The following LRRC4C variants were observed in gnomAD, a reference collection of about 807,000 sequenced individuals.
LRRC4C encodes leucine-rich repeat-containing protein 4C.
LRRC4C carries 5 observed loss-of-function variants against 33.6 expected under a neutral mutation model. The observed-to-expected ratio is 0.15, with a 90% CI of 0.08 to 0.31. LRRC4C has a LOEUF of 0.31. LRRC4C is among the 10% of genes least tolerant of loss of function. The pLI is 1.00. For synonymous variants in LRRC4C, 329 were observed against 302.0 expected, an observed-to-expected ratio of 1.09 and a Z score of -0.93; for missense variants, 560 against 796.7, an observed-to-expected ratio of 0.70 and a Z score of 3.58.
intron 2 of LRRC4C, among the ~76,000 whole-genome samples, chr11:40,732,924 A>G (rs1003969484): frequency 2.0e-5 from 3 of 152,042 alleles, no homozygotes; most frequent in Non-Finnish European, 4.4e-5. Context: ...TCTTTACTAT[A>G]TGCTAAATAC....
intron 4 of LRRC4C, among the ~76,000 whole-genome samples, chr11:40,315,176 A>C (rs1309140978): frequency 6.6e-6 from 1 of 151,988 alleles, no homozygotes; most frequent in Non-Finnish European, 1.5e-5. Flanking sequence ...ATGTCAGTTA[A>C]ACAAAATTGA....
intron 3 of LRRC4C, among the ~76,000 whole-genome samples, chr11:40,455,024 T>C (rs1185622646): frequency 6.6e-6 from 1 of 152,096 alleles, no homozygotes; most frequent in Non-Finnish European, 1.5e-5. Flanking sequence ...TTGGGCATAC[T>C]ATGCATGAGA....
chr11:41,373,460 T>C (rs1310206677), intron 1 of LRRC4C, among the ~76,000 whole-genome samples: 1 of 152,192 alleles, frequency 6.6e-6, no homozygotes, highest in Non-Finnish European at 1.5e-5. Flanking sequence ...ATTGAAGTCT[T>C]CCCTAATTTG....
At chr11:40,880,422 G>A (rs11036132) in intron 2 of LRRC4C, among the ~76,000 whole-genome samples, 10,965 of 150,966 alleles carry the variant, frequency 0.073, 503 homozygotes, top group Admixed American at 0.16. Flanking sequence ...TATACCAAGG[G>A]TTTTATGCCA....
At chr11:40,950,889 T>A (rs542492575) in intron 1 of LRRC4C, among the ~76,000 whole-genome samples, 1 of 152,132 alleles carries the variant, frequency 6.6e-6, no homozygotes, top group Admixed American at 6.6e-5. Context: ...GCTTATTTTT[T>A]TTTTTTACTA....
Position 40,520,548 on chromosome 11 carries a change from C to G in LRRC4C, c.-270+127594G>C, listed in dbSNP as rs1590987160. ...TTTGGTGGGGCAATTAGAACACACA[C>G]AACATTTATTGATTAAATTGGCTAT... On this transcript the variant is annotated intron_variant, in intron 3 of 6. Transcript: ENST00000528697. Among the ~76,000 whole-genome samples, 3 of 152,248 alleles carry G rather than the reference C, an allele frequency of 2.0e-5. No homozygotes were observed. The South Asian group carries it at 6.2e-4, about 32-fold the overall frequency.
intron 3 of LRRC4C, among the ~76,000 whole-genome samples, chr11:40,549,539 C>CA (rs1957056330): frequency 2.0e-5 from 3 of 152,124 alleles, no homozygotes; most frequent in Non-Finnish European, 2.9e-5. Context: ...TATAAATGTA[C>CA]AAAAAATAAC....
At chr11:41,293,542 T>C (rs1950049330) in intron 1 of LRRC4C, among the ~76,000 whole-genome samples, 1 of 152,110 alleles carries the variant, frequency 6.6e-6, no homozygotes, top group South Asian at 2.1e-4. Context: ...TAATTTGTAA[T>C]TTAAAATACT....
At chr11:41,353,995 T>C (rs768233942) in intron 1 of LRRC4C, among the ~76,000 whole-genome samples, 3 of 152,156 alleles carry the variant, frequency 2.0e-5, no homozygotes, top group Non-Finnish European at 4.4e-5. Flanking sequence ...TCAGCACTCC[T>C]ATTCAACATT....
At chr11:41,362,461 C>T (rs924518046) in intron 1 of LRRC4C, among the ~76,000 whole-genome samples, 1 of 152,120 alleles carries the variant, frequency 6.6e-6, no homozygotes, top group African/African-American at 2.4e-5. Context: ...AAGTCTCTCT[C>T]TTTTTGATGA....
Position 40,854,755 on chromosome 11 carries a change from G to A in LRRC4C, c.-407+78880C>T, listed in dbSNP as rs1387939197. ...TTTTATGTACATAGAGTACATTAAT[G>A]TATATATTTTATACACATATATAAT... is the stretch of plus-strand genomic sequence containing the variant. On this transcript the variant is annotated intron_variant, in intron 2 of 6. Transcript: ENST00000528697. Among the ~76,000 whole-genome samples the A allele has an allele frequency of 2.7e-5, 4 of 150,800 alleles. No homozygotes were observed. The East Asian group carries it at 5.8e-4, about 22-fold the overall frequency.
At chr11:40,214,059 G>C (rs2135854158) in intron 5 of LRRC4C, among the ~76,000 whole-genome samples, 1 of 152,248 alleles carries the variant, frequency 6.6e-6, no homozygotes, top group South Asian at 2.1e-4. Flanking sequence ...CCATGCTGTG[G>C]ACTAAATTGT....
chr11:41,136,259 C>T (rs937039561), intron 1 of LRRC4C, among the ~76,000 whole-genome samples: 6 of 152,020 alleles, frequency 3.9e-5, no homozygotes, highest in African/African-American at 9.7e-5. Context: ...TAAAATCTTA[C>T]GCGTGTAGGG....
chr11:40,832,423 A>C (rs1359542247), intron 2 of LRRC4C, among the ~76,000 whole-genome samples: 7 of 152,182 alleles, frequency 4.6e-5, no homozygotes, highest in Non-Finnish European at 8.8e-5. Flanking sequence ...TTAGTATGTC[A>C]GACTCTGATC....
intron 3 of LRRC4C, among the ~76,000 whole-genome samples, chr11:40,595,489 C>T (rs1028527983): frequency 6.6e-6 from 1 of 152,034 alleles, no homozygotes; most frequent in African/African-American, 2.4e-5. Context: ...TGGGAACCAG[C>T]ATGTACACAT....
intron 2 of LRRC4C, among the ~76,000 whole-genome samples, chr11:40,901,226 C>A (rs965697386): frequency 6.6e-6 from 1 of 152,052 alleles, no homozygotes; most frequent in Non-Finnish European, 1.5e-5. Context: ...GGTAAGGACA[C>A]ATGCACTGTC....
At chr11:40,471,102 A>G (rs564968968) in intron 3 of LRRC4C, among the ~76,000 whole-genome samples, 25 of 152,328 alleles carry the variant, frequency 1.6e-4, no homozygotes, top group African/African-American at 6.0e-4. Context: ...CCAAGGCTGA[A>G]ATGAAGGAAA....
At chr11:40,130,607 G>C (rs1856582552) in intron 6 of LRRC4C, among the ~76,000 whole-genome samples, 1 of 152,140 alleles carries the variant, frequency 6.6e-6, no homozygotes, top group African/African-American at 2.4e-5. Context: ...CTAGATGCCA[G>C]TAGCAACCTC....
chr11:40,507,447 G>A (rs1437968921), intron 3 of LRRC4C, among the ~76,000 whole-genome samples: 15 of 151,974 alleles, frequency 9.9e-5, no homozygotes, highest in Non-Finnish European at 5.9e-5. Context: ...CAATTGGGAT[G>A]AACAAATATA....
Sources: allele counts gnomAD v4.1 joint callset (sites outside exome capture counted in the v4.1 genomes callset), GRCh38; gene constraint gnomAD v4.1.1; transcripts MANE v1.5; gene names NCBI Gene and HGNC (gene_info 2026-07-23, HGNC 2026-07-21).